Variants in EEF2KMT observed in about 807,000 individuals in gnomAD.
The protein encoded by EEF2KMT is protein-lysine N-methyltransferase EEF2KMT.
In EEF2KMT, 30 loss-of-function variants were observed where a neutral mutation model predicts 35.1. The ratio of observed to expected loss-of-function variants is 0.85; its 90% CI spans 0.64 to 1.16. The LOEUF is 1.16. Ranked by LOEUF, EEF2KMT falls within the 50% of genes most tolerant of loss-of-function variation. The probability of loss-of-function intolerance (pLI) is 0.00; values close to 1 mark genes in which losing one functional copy is unlikely to be tolerated. For missense variants in EEF2KMT, 499 were observed against 438.2 expected, an observed-to-expected ratio of 1.14 and a Z score of -1.24; for synonymous variants, 190 against 187.7, an observed-to-expected ratio of 1.01 and a Z score of -0.10.
rs1957078802 is a variant in EEF2KMT at position 5,084,476 on chromosome 16, T to C, written c.*1156A>G. The C allele has an allele frequency of 1.7e-6, 1 of 586,120 alleles. No homozygotes were observed. The highest frequency in any genetic ancestry group is 2.9e-5 in the Admixed American group (1 of 33,968). 36.3% of individuals were successfully genotyped at this position (586,120 alleles called of 1,614,324 possible). ...CGTTGGCCAGAGGCCGAGAGGAGGG[T>C]GCTCACAGGGGAATGGGCAGCACGT... On this transcript the variant is annotated 3_prime_UTR_variant, in exon 8 of 8. Coordinates refer to ENST00000427587, the MANE Select transcript of EEF2KMT (RefSeq NM_201400.4).
Position 5,090,696 on chromosome 16 carries a change from A to G in EEF2KMT, c.343-131T>C, listed in dbSNP as rs2142764943. On this transcript the variant is annotated intron_variant, in intron 4 of 7. Transcript: ENST00000427587. The surrounding 1 kb of genome is among the most constrained non-coding windows in gnomAD (Gnocchi z 4.1). ...CGCCACTCAGCAATGAGAAGCAGCT[A>G]ACTGTTGGCATGCCAACAGCTTTCA... 1 of 1,271,498 alleles carries G rather than the reference A, an allele frequency of 7.9e-7. No homozygotes were observed. Among genetic ancestry groups the G allele is most frequent in the East Asian group, 2.4e-5 (1 of 41,108 alleles). The allele number at this position is 1,271,498 out of a possible 1,614,324, so 78.8% of individuals were successfully genotyped here. A position where few individuals can be genotyped will look rare whatever the true frequency, so the allele number is the denominator to read the frequency against.
chr16:5,088,906 GTGC>G (rs914945984), intron 7 of EEF2KMT, among the ~76,000 whole-genome samples, 198 bp downstream of exon 7: 1 of 152,176 alleles, frequency 6.6e-6, no homozygotes, highest in African/African-American at 2.4e-5. Flanking sequence ...CTCCCTCCCT[GTGC>G]TGAGCTGCCC....
intron 1 of EEF2KMT, among the ~76,000 whole-genome samples, chr16:5,095,774 T>C (rs1957447403): frequency 6.8e-6 from 1 of 147,146 alleles, no homozygotes; most frequent in Non-Finnish European, 1.5e-5. Flanking sequence ...AGCTCCCTGG[T>C]TGCACTGCTC....
intron 3 of EEF2KMT, among the ~76,000 whole-genome samples, chr16:5,092,740 A>G (rs1957367231): frequency 6.6e-6 from 1 of 152,158 alleles, no homozygotes; most frequent in Non-Finnish European, 1.5e-5. Flanking sequence ...AGGCAGGCGG[A>G]TCACCTGAGG....
rs1396824827 is a variant in EEF2KMT at position 5,085,359 on chromosome 16, A to C, written c.*273T>G. The C allele has an allele frequency of 3.8e-6, 2 of 521,320 alleles. No individual in the cohort carries two copies. The highest frequency in any genetic ancestry group is 7.1e-6 in the Non-Finnish European group (2 of 283,310). The allele number at this position is 521,320 out of a possible 1,614,324, so 32.3% of individuals were successfully genotyped here. A position where few individuals can be genotyped will look rare whatever the true frequency, so the allele number is the denominator to read the frequency against. The stretch of plus-strand genomic sequence containing the variant: ...CATCATACTTGATACACACGTTTTT[A>C]TTTGCACAAAGAAAATGCTATTTTT... On this transcript the variant is annotated 3_prime_UTR_variant, in exon 8 of 8. Transcript: ENST00000427587.
Position 5,085,412 on chromosome 16 carries a change from T to C in EEF2KMT, c.*220A>G, listed in dbSNP as rs1957120206. 2 of 571,576 alleles carry C rather than the reference T, an allele frequency of 3.5e-6. No individual in the cohort carries two copies. The highest frequency in any genetic ancestry group is 2.0e-5 in the South Asian group (1 of 49,116). The allele number at this position is 571,576 out of a possible 1,614,324, so 35.4% of individuals were successfully genotyped here. On this transcript the variant is annotated 3_prime_UTR_variant, in exon 8 of 8. Coordinates refer to ENST00000427587, the MANE Select transcript of EEF2KMT (RefSeq NM_201400.4). ...AGCCAGAATTTTCATGTCTGATTTA[T>C]GGTGATTTTCTTAAGAACCAGAACT...
chr16:5,090,189 T>C lies in EEF2KMT; in HGVS notation c.637A>G (p.Thr213Ala). The C allele has an allele frequency of 6.2e-7, 1 of 1,611,844 alleles. No individual in the cohort carries two copies. Residue 213 changes from threonine to alanine, a missense_variant, in exon 6 of 8, where the codon ACT (threonine) becomes GCT (alanine). Coordinates refer to ENST00000427587, the MANE Select transcript of EEF2KMT (RefSeq NM_201400.4). This position sits in a 1 kb window ranked among gnomAD's most constrained non-coding sequence, Gnocchi z 4.1. ...LNGLSLEADI[T>A]AKLDSPRVTV... ...ACCCTGGGGCTGTCTAACTTGGCAGTGATGTCTGCCTCTAATGAGAGGCCA... is the reference window on the plus strand; with the variant it reads ...ACCCTGGGGCTGTCTAACTTGGCAGCGATGTCTGCCTCTAATGAGAGGCCA...
rs1596265522 is a variant in EEF2KMT at position 5,085,127 on chromosome 16, C to G, written c.*505G>C. On this transcript the variant is annotated 3_prime_UTR_variant, in exon 8 of 8. Transcript: ENST00000427587. ...CTGTTCTTCACGCCCCATGCCCCTG[C>G]TAGCGTATTACTGTTCTGTGACTTC... 7.4e-6 allele frequency: 5 copies of G among 677,570 alleles called. No homozygotes were observed. The highest frequency in any genetic ancestry group is 5.5e-5 in the East Asian group (2 of 36,498). The allele number at this position is 677,570 out of a possible 1,614,324, so 42.0% of individuals were successfully genotyped here.
intron 7 of EEF2KMT, 65 bp downstream of exon 7, chr16:5,089,042 T>G: frequency 4.4e-6 from 7 of 1,607,668 alleles, no homozygotes; most frequent in Non-Finnish European, 5.9e-6. Flanking sequence ...GTTCTTTCAC[T>G]TCCACTGGCG....
rs147997807 is a variant in EEF2KMT at position 5,095,472 on chromosome 16, G to C, written c.139C>G (p.Leu47Val). The change falls in exon 2 of 8, where the codon CTG becomes GTG. Residue 47 changes from leucine (L) to valine (V), a missense_variant. Coordinates refer to ENST00000427587, the MANE Select transcript of EEF2KMT (RefSeq NM_201400.4). ...KLRDSSDSEL[L>V]RDILHKTVKH... ...CTTACCTTGTGCAAAATATCCCGCAGCAGCTCAGAATCTGATGAGTCTCTT... is the reference window on the plus strand; with the variant it reads ...CTTACCTTGTGCAAAATATCCCGCACCAGCTCAGAATCTGATGAGTCTCTT... The C allele has an allele frequency of 8.6e-5, 139 of 1,611,636 alleles. No individual in the cohort carries two copies. The highest frequency in any genetic ancestry group is 1.1e-4 in the Non-Finnish European group (129 of 1,179,664).
chr16:5,090,586 A>C lies in EEF2KMT; in HGVS notation c.343-21T>G, dbSNP rs1387627942. 1 of 1,611,858 alleles carries C rather than the reference A, an allele frequency of 6.2e-7. No homozygotes were observed. The highest frequency in any genetic ancestry group is 1.1e-5 in the South Asian group (1 of 90,988). On this transcript the variant is annotated intron_variant, in intron 4 of 7. Coordinates refer to ENST00000427587, the MANE Select transcript of EEF2KMT (RefSeq NM_201400.4). The surrounding 1 kb of genome is among the most constrained non-coding windows in gnomAD (Gnocchi z 4.1). The stretch of plus-strand genomic sequence containing the variant: ...GAGGGCTGCACCAAGAGAAGGCGAG[A>C]GAGTCAGTCCAGCGATCAGAAGGCA...
rs138387891 is a variant in EEF2KMT at position 5,093,533 on chromosome 16, G to A, written c.191C>T (p.Pro64Leu). ...TVKHPVCVKH[P>L]PSVKYARCFL... ...GCACCGGGCATATTTGACGGACGGC[G>A]GGTGCTTCACACACACAGGATGCTT... is the stretch of plus-strand genomic sequence containing the variant. Residue 64 changes from proline to leucine, a missense_variant, in exon 3 of 8, where the codon CCG (proline) becomes CTG (leucine). By Grantham distance (98) the Pro-to-Leu change is moderately conservative (BLOSUM62 -3). Transcript: ENST00000427587. 7 of 1,611,978 alleles carry A rather than the reference G, an allele frequency of 4.3e-6. No individual in the cohort carries two copies. Among genetic ancestry groups the A allele is most frequent in the African/African-American group, 1.3e-5 (1 of 74,974 alleles).
rs540579534 is a variant in EEF2KMT at position 5,084,500 on chromosome 16, G to T, written c.*1132C>A. ...GTGCTCACAGGGGAATGGGCAGCAC[G>T]TAGAGGCCGGGAGGTGCTCCAGGGC... On this transcript the variant is annotated 3_prime_UTR_variant, in exon 8 of 8. Transcript: ENST00000427587. The T allele has an allele frequency of 1.4e-5, 9 of 636,022 alleles. No individual in the cohort carries two copies. Among genetic ancestry groups the T allele is most frequent in the Non-Finnish European group, 2.2e-5 (8 of 364,000 alleles). The allele number at this position is 636,022 out of a possible 1,614,324, so 39.4% of individuals were successfully genotyped here.
chr16:5,089,797 T>G (rs1957301268), intron 6 of EEF2KMT, among the ~76,000 whole-genome samples: 1 of 152,178 alleles, frequency 6.6e-6, no homozygotes, highest in Non-Finnish European at 1.5e-5. Context: ...AGTGGTTGTT[T>G]TCCTCCTGTG....
At chr16:5,089,319 C>G in intron 6 of EEF2KMT, 63 bp from the exon 7 acceptor site, 1 of 1,591,728 alleles carries the variant, frequency 6.3e-7, no homozygotes. Context: ...ATGCTGACGT[C>G]AGCAGCAGGG....
chr16:5,094,329 C>A (rs544730722), intron 2 of EEF2KMT, among the ~76,000 whole-genome samples: 1 of 152,320 alleles, frequency 6.6e-6, no homozygotes, highest in African/African-American at 2.4e-5. Context: ...GTGGCCCGAT[C>A]TTGGCTCACT....
At chr16:5,091,248 A>G (rs183914926) in intron 4 of EEF2KMT, among the ~76,000 whole-genome samples, 1 of 151,946 alleles carries the variant, frequency 6.6e-6, no homozygotes, top group African/African-American at 2.4e-5. Flanking sequence ...CACCCCGCTA[A>G]TTTTTGTATT....
At position 5,089,215 on chromosome 16, in the gene EEF2KMT, C is replaced by T. The variant is rs780207113; in HGVS notation, c.784G>A (p.Val262Ile). 1.2e-5 allele frequency: 19 copies of T among 1,609,536 alleles called. No homozygotes were observed. The highest frequency in any genetic ancestry group is 1.6e-5 in the Non-Finnish European group (19 of 1,179,852). The part of the protein sequence containing the change: ...CPEAIMSLVG[V>I]LRRLAACREH... ...CGGCAGGCAGCCAGCCTCCGCAGGA[C>T]CCCGACCAGCGACATGATGGCTTCT... Residue 262 changes from valine to isoleucine, a missense_variant, in exon 7 of 8, where the codon GTC becomes ATC. By Grantham distance (29) the Val-to-Ile change is conservative (BLOSUM62 3). Transcript: ENST00000427587.
chr16:5,097,759 C>G lies in EEF2KMT; in HGVS notation c.-20G>C. On this transcript the variant is annotated 5_prime_UTR_variant, in exon 1 of 8. Coordinates refer to ENST00000427587, the MANE Select transcript of EEF2KMT (RefSeq NM_201400.4). ...CGCCATGACGTGGGCGGGGCCGCAG[C>G]GTTGCCGGCAGACCGGGCGGAAGCC... 6.5e-7 allele frequency: 1 copy of G among 1,544,406 alleles called. No homozygotes were observed. Among genetic ancestry groups the G allele is most frequent in the Non-Finnish European group, 8.7e-7 (1 of 1,150,960 alleles).
Sources: gnomAD v4.1 joint callset for allele counts (sites outside exome capture counted in the v4.1 genomes callset) on GRCh38, gnomAD v4.1.1 for gene constraint, Gnocchi (gnomAD v3.1) non-coding constraint, MANE v1.5 for transcripts, NCBI Gene and HGNC (gene_info 2026-07-23, HGNC 2026-07-21) for gene names.